PLXNA4: variants seen among roughly 807,000 people sequenced by gnomAD.
The protein encoded by PLXNA4 is plexin A4.
Under a neutral mutation model 191.8 loss-of-function variants are expected in PLXNA4, and 44 were observed. The ratio of observed to expected loss-of-function variants is 0.23; its 90% CI spans 0.18 to 0.29. The LOEUF (loss-of-function observed/expected upper bound fraction) is 0.29. Ranked by LOEUF, PLXNA4 falls within the 10% of genes least tolerant of loss-of-function variation. The pLI, the probability that PLXNA4 is intolerant of heterozygous loss-of-function variation, is 1.00. For synonymous variants in PLXNA4, 1,082 were observed against 1,009.5 expected (o/e 1.07, Z -1.36); for missense variants, 1,800 against 2,488.8 (o/e 0.72, Z 5.89).
At chr7:132,547,456 C>T (rs1045674959) in intron 1 of PLXNA4, among the ~76,000 whole-genome samples, 2 of 152,128 alleles carry the variant, frequency 1.3e-5, no homozygotes, top group African/African-American at 4.8e-5. Context: ...AACAAGCATC[C>T]CCTCCATGCC....
chr7:132,527,539 C>CAA (rs34598256), intron 1 of PLXNA4, among the ~76,000 whole-genome samples: 66 of 59,610 alleles, frequency 1.1e-3, no homozygotes, highest in African/African-American at 2.0e-3. Flanking sequence ...GAAACAGACT[C>CAA]AAAAAAAAAA....
chr7:132,541,327 C>T (rs549937475), intron 1 of PLXNA4, among the ~76,000 whole-genome samples: 4 of 152,360 alleles, frequency 2.6e-5, no homozygotes, highest in African/African-American at 7.2e-5. Flanking sequence ...AACCATTAAG[C>T]TGTCAAGCTG....
At position 132,179,789 on chromosome 7, in the gene PLXNA4, T is replaced by C; in HGVS notation, c.3772A>G (p.Ile1258Val). 1 of 1,613,908 alleles carries C rather than the reference T, an allele frequency of 6.2e-7. No homozygotes were observed. Among genetic ancestry groups the C allele is most frequent in the Non-Finnish European group, 8.5e-7 (1 of 1,180,026 alleles). Residue 1258 changes from isoleucine to valine, a missense_variant, in exon 20 of 32, where the codon ATT becomes GTT. This residue lies in a region of PLXNA4 where 1,397 missense variants were observed against 1,880.4 expected (regional missense o/e 0.74). Transcript: ENST00000321063. The stretch of plus-strand genomic sequence containing the variant: ...TCGCGGGACTTGCGTTTATAGGCAA[T>C]GAGCACGGCCACGATGAAAATGATG... Reference protein sequence around the residue: ...LLIIFIVAVLIAYKRKSRESD... With the variant: ...LLIIFIVAVLVAYKRKSRESD...
chr7:132,283,262 T>C (rs901596988), intron 4 of PLXNA4, among the ~76,000 whole-genome samples: 1 of 152,170 alleles, frequency 6.6e-6, no homozygotes, highest in African/African-American at 2.4e-5. Flanking sequence ...AGATGCAAAG[T>C]GATACATGAA....
chr7:132,164,761 G>A (rs1303587234), intron 23 of PLXNA4, among the ~76,000 whole-genome samples: 1 of 152,258 alleles, frequency 6.6e-6, no homozygotes, highest in Admixed American at 6.5e-5. Flanking sequence ...TTCTGCACCG[G>A]CCGGGGGGCC....
intron 3 of PLXNA4, among the ~76,000 whole-genome samples, chr7:132,386,578 T>G (rs1295660200): frequency 6.6e-6 from 1 of 152,156 alleles, no homozygotes; most frequent in Non-Finnish European, 1.5e-5. Flanking sequence ...AGGCTTGGGG[T>G]GGACACCTCT....
At chr7:132,283,160 C>T (rs980282710) in intron 4 of PLXNA4, among the ~76,000 whole-genome samples, 1 of 152,010 alleles carries the variant, frequency 6.6e-6, no homozygotes, top group African/African-American at 2.4e-5. Flanking sequence ...CATGAGCCAC[C>T]GTGCCCAGCT....
intron 3 of PLXNA4, among the ~76,000 whole-genome samples, chr7:132,299,920 A>G (rs1584961407): frequency 6.6e-6 from 1 of 152,144 alleles, no homozygotes; most frequent in Non-Finnish European, 1.5e-5. Flanking sequence ...CGGCTCAAAG[A>G]TCTGTGGGCA....
rs142044955 is a variant in PLXNA4 at position 132,572,837 on chromosome 7, C to T, written c.-87+3585G>A. Among the ~76,000 whole-genome samples, 529 of 152,246 alleles carry T rather than the reference C, an allele frequency of 3.5e-3. 4 individuals carry two copies. Among genetic ancestry groups the T allele is most frequent in the African/African-American group, 0.012 (505 of 41,540 alleles). On this transcript the variant is annotated intron_variant, in intron 1 of 31. Transcript: ENST00000321063. ...AGAGACAGTGTCCTGTCCACAGGGC[C>T]CTGTGTGGACCAAGCATAGCTCGAT...
intron 1 of PLXNA4, among the ~76,000 whole-genome samples, chr7:132,523,838 T>G (rs1242656220): frequency 1.3e-5 from 2 of 152,070 alleles, no homozygotes; most frequent in African/African-American, 4.8e-5. Flanking sequence ...AGGATCTGGG[T>G]GGGTGCTGGT....
intron 3 of PLXNA4, among the ~76,000 whole-genome samples, chr7:132,323,351 T>A (rs1176155934): frequency 2.0e-5 from 3 of 152,238 alleles, no homozygotes; most frequent in Non-Finnish European, 4.4e-5. Context: ...CCATTAGGTT[T>A]TCATTTTACA....
chr7:132,616,014 T>C (rs1803151934), intron 2 of PLXNA4, among the ~76,000 whole-genome samples: 1 of 144,634 alleles, frequency 6.9e-6, no homozygotes, highest in Non-Finnish European at 1.5e-5. Flanking sequence ...CAGACTTAGC[T>C]AGCAACACGC....
intron 30 of PLXNA4, among the ~76,000 whole-genome samples, chr7:132,136,905 G>A (rs980770241): frequency 1.3e-5 from 2 of 152,110 alleles, no homozygotes; most frequent in Non-Finnish European, 2.9e-5. Flanking sequence ...TCATGGGAGG[G>A]TCTCTCTGGG....
intron 2 of PLXNA4, 144 bp downstream of exon 2, chr7:132,507,362 T>C (rs1563140124): frequency 4.4e-6 from 4 of 899,466 alleles, no homozygotes; most frequent in Non-Finnish European, 6.5e-6. Context: ...ACACTCTGGG[T>C]CCAATGAGAC....
intron 9 of PLXNA4, among the ~76,000 whole-genome samples, chr7:132,221,294 G>T (rs576880127): frequency 6.6e-6 from 1 of 152,262 alleles, no homozygotes; most frequent in Admixed American, 6.5e-5. Context: ...ATGATTAGAG[G>T]CCTTCAAAAT....
At chr7:132,280,235 G>A (rs1280563231) in intron 4 of PLXNA4, among the ~76,000 whole-genome samples, 1 of 151,926 alleles carries the variant, frequency 6.6e-6, no homozygotes, top group Non-Finnish European at 1.5e-5. Flanking sequence ...GAGAATGGAA[G>A]GTAAATGTGG....
intron 2 of PLXNA4, among the ~76,000 whole-genome samples, chr7:132,636,433 T>C (rs1191863093): frequency 6.6e-6 from 1 of 152,078 alleles, no homozygotes; most frequent in Admixed American, 6.5e-5. Flanking sequence ...TGGGGTATGG[T>C]TTTCTAAGAA....
intron 2 of PLXNA4, among the ~76,000 whole-genome samples, chr7:132,641,880 C>T (rs1173814637): frequency 6.6e-6 from 1 of 152,124 alleles, no homozygotes; most frequent in Non-Finnish European, 1.5e-5. Context: ...TCACAGCAGT[C>T]AATGTGGCTG....
chr7:132,288,955 T>C (rs1482347128), intron 4 of PLXNA4, among the ~76,000 whole-genome samples: 2 of 152,124 alleles, frequency 1.3e-5, no homozygotes, highest in East Asian at 1.9e-4. Context: ...AAAGAAATGG[T>C]AATGACTCCT....
Sources: allele counts gnomAD v4.1 joint callset (sites outside exome capture counted in the v4.1 genomes callset), GRCh38; gene constraint gnomAD v4.1.1; regional missense constraint gnomAD v4.1.1; transcripts MANE v1.5; gene names NCBI Gene and HGNC (gene_info 2026-07-23, HGNC 2026-07-21).